MTMR1: variants seen among roughly 807,000 people sequenced by gnomAD.
MTMR1 encodes myotubularin related protein 1, also known as phosphatidylinositol-3-phosphate phosphatase MTMR1.
In MTMR1, 17 loss-of-function variants were observed where a neutral mutation model predicts 51.6. The ratio of observed to expected loss-of-function variants is 0.33; its 90% CI spans 0.23 to 0.49. The LOEUF is 0.49. MTMR1 is among the 20% of genes least tolerant of loss of function. MTMR1 has a pLI of 0.99. For missense variants in MTMR1, 386 were observed against 526.9 expected (o/e 0.73, Z 2.62); for synonymous variants, 201 against 205.6 (o/e 0.98, Z 0.19).
intron 3 of MTMR1, among the ~76,000 whole-genome samples, chrX:150,714,847 G>A (rs2041441952): frequency 8.9e-6 from 1 of 111,824 alleles, no homozygotes; most frequent in Non-Finnish European, 1.9e-5. Context: ...AGATACATAT[G>A]CTAAGGGTGC....
At chrX:150,761,740 A>C (rs964861364) in intron 15 of MTMR1, among the ~76,000 whole-genome samples, 1 of 112,034 alleles carries the variant, frequency 8.9e-6, no homozygotes, top group Non-Finnish European at 1.9e-5. Flanking sequence ...CCTTGCCCCC[A>C]GCCAAAGAGC....
chrX:150,694,745 C>T (rs951670409), intron 1 of MTMR1, among the ~76,000 whole-genome samples: 33 of 112,580 alleles, frequency 2.9e-4, no homozygotes, highest in South Asian at 3.6e-4. Flanking sequence ...CACTCATCTG[C>T]AAATATTCAA....
At chrX:150,761,451 C>A (rs1157639122) in intron 15 of MTMR1, among the ~76,000 whole-genome samples, 1 of 112,648 alleles carries the variant, frequency 8.9e-6, no homozygotes, top group Non-Finnish European at 1.9e-5. Flanking sequence ...GGTGGAACAG[C>A]TCAGTCTTTG....
At position 150,752,431 on chromosome X, in the gene MTMR1, A is replaced by G. The variant is rs1304313535; in HGVS notation, c.1680+1588A>G. ...GTGCCTCTCCCCTGCTTCCCACTGC[A>G]GTTAGAGTAAAATCCACACTCCTGC... On this transcript the variant is annotated intron_variant, in intron 14 of 15. Coordinates refer to ENST00000445323, the MANE Select transcript of MTMR1 (RefSeq NM_001306144.3). Among the ~76,000 whole-genome samples, 3 of 111,265 alleles carry G rather than the reference A, an allele frequency of 2.7e-5. No homozygotes were observed. In the Admixed American group the frequency reaches 2.9e-4, roughly 11 times the overall value.
At position 150,727,301 on chromosome X, in the gene MTMR1, G is replaced by A. The variant is rs928932956; in HGVS notation, c.439G>A (p.Val147Ile). 8.3e-7 allele frequency: 1 copy of A among 1,198,116 alleles called. No individual in the cohort carries two copies. Among genetic ancestry groups the A allele is most frequent in the East Asian group, 3.0e-5 (1 of 33,762 alleles). The change falls in exon 5 of 16, where the codon GTC becomes ATC. Residue 147 changes from valine to isoleucine, a missense_variant. Physicochemically the swap from Val to Ile is conservative, Grantham distance 29. Coordinates refer to ENST00000445323, the MANE Select transcript of MTMR1 (RefSeq NM_001306144.3). Reference protein sequence around the residue: ...VTDFKLYFKNVERDPHFILDV... With the variant: ...VTDFKLYFKNIERDPHFILDV... The stretch of plus-strand genomic sequence containing the variant: ...GGACTTTAAGCTGTACTTCAAAAAT[G>A]TCGAGAGGGTGAGTTTTTTAAAGTG...
intron 15 of MTMR1, among the ~76,000 whole-genome samples, chrX:150,759,210 C>G (rs1192328424): frequency 8.9e-6 from 1 of 112,641 alleles, no homozygotes; most frequent in Non-Finnish European, 1.9e-5. Context: ...AAGCCTACAT[C>G]CCCCTTCCAG....
At chrX:150,741,935 A>G (rs1483791200) in intron 12 of MTMR1, among the ~76,000 whole-genome samples, 1 of 112,603 alleles carries the variant, frequency 8.9e-6, no homozygotes, top group Non-Finnish European at 1.9e-5. Flanking sequence ...ACATGATCTG[A>G]CAATTCCGCT....
rs1167482457 is a variant in MTMR1 at position 150,743,218 on chromosome X, G to A, written c.1474-1143G>A. Among the ~76,000 whole-genome samples the A allele has an allele frequency of 3.1e-4, 34 of 110,384 alleles. 1 individual carries two copies. The highest frequency in any genetic ancestry group is 1.9e-5 in the Non-Finnish European group (1 of 52,825). On this transcript the variant is annotated intron_variant, in intron 12 of 15. Coordinates refer to ENST00000445323, the MANE Select transcript of MTMR1 (RefSeq NM_001306144.3). Reference sequence around the variant, plus strand: ...CAGGGGTTCAAGACCAGCCTGGGCAGTATAGTGAGACCCCATCTCTACAAA... The same window carrying A: ...CAGGGGTTCAAGACCAGCCTGGGCAATATAGTGAGACCCCATCTCTACAAA...
intron 3 of MTMR1, among the ~76,000 whole-genome samples, chrX:150,714,247 A>G (rs1557416317): frequency 8.9e-6 from 1 of 111,764 alleles, no homozygotes; most frequent in Admixed American, 9.5e-5. Flanking sequence ...CCCAACACAA[A>G]CACAGAATAG....
intron 4 of MTMR1, among the ~76,000 whole-genome samples, chrX:150,719,495 T>G (rs2041675954): frequency 1.8e-5 from 2 of 111,831 alleles, no homozygotes; most frequent in Non-Finnish European, 3.8e-5. Flanking sequence ...TTTGAAATTC[T>G]TTATTTCCTT....
chrX:150,706,013 A>G (rs2041089083), intron 2 of MTMR1, among the ~76,000 whole-genome samples: 1 of 111,692 alleles, frequency 9.0e-6, no homozygotes, highest in African/African-American at 3.3e-5. Context: ...CAGACTGGGT[A>G]ATTTATAAAG....
intron 9 of MTMR1, 121 bp from the exon 10 acceptor site, chrX:150,732,421 A>T: frequency 1.6e-6 from 1 of 622,191 alleles, no homozygotes; most frequent in South Asian, 4.0e-5. Flanking sequence ...GCCCACTCTC[A>T]CTTTTGAAGA....
At chrX:150,696,052 C>T (rs1007794020) in intron 1 of MTMR1, among the ~76,000 whole-genome samples, 3 of 111,376 alleles carry the variant, frequency 2.7e-5, no homozygotes, top group African/African-American at 9.8e-5. Context: ...CGGGGCTGAG[C>T]GGCTGATGCT....
Position 150,750,796 on chromosome X carries a change from C to CT in MTMR1, c.1638dup (p.Gly547TrpfsTer8). The CT allele has an allele frequency of 8.3e-7, 1 of 1,208,881 alleles. No homozygotes were observed. Among genetic ancestry groups the CT allele is most frequent in the Non-Finnish European group, 1.1e-6 (1 of 893,253 alleles). ...AATTTTGGATCACCTTTATAGCTGT[C>CT]TTTTTGGGACCTTTTTGTGCAACTG... On this transcript the variant is annotated frameshift_variant, in exon 14 of 16. Transcript: ENST00000445323. LOFTEE classifies it high-confidence loss of function.
intron 2 of MTMR1, among the ~76,000 whole-genome samples, chrX:150,702,231 G>A (rs1557415970): frequency 9.1e-6 from 1 of 109,570 alleles, no homozygotes; most frequent in Non-Finnish European, 1.9e-5. Context: ...CTCATCCACT[G>A]TTTTTCAAAA....
intron 3 of MTMR1, among the ~76,000 whole-genome samples, chrX:150,715,820 A>C (rs1314239658): frequency 8.9e-6 from 1 of 112,768 alleles, no homozygotes; most frequent in Admixed American, 9.3e-5. Flanking sequence ...AGATTTATCA[A>C]TTAGAGGTTT....
At chrX:150,714,599 C>A in intron 3 of MTMR1, 1 of 808,189 alleles carries the variant, frequency 1.2e-6, no homozygotes, top group Non-Finnish European at 1.7e-6. Flanking sequence ...TCATTCTAGA[C>A]TTCTAGATAA....
chrX:150,718,915 C>T (rs1170711186), intron 4 of MTMR1, among the ~76,000 whole-genome samples: 2 of 110,436 alleles, frequency 1.8e-5, no homozygotes, highest in Admixed American at 9.7e-5. Context: ...TATTTGATGG[C>T]GTTCCCAACA....
At chrX:150,693,395 T>G, upstream of MTMR1, 1 of 720,068 alleles carries the variant, frequency 1.4e-6, no homozygotes, top group Non-Finnish European at 1.6e-6. Flanking sequence ...GGCCGCCAGG[T>G]GACAGCTAAT....
Sources: allele counts gnomAD v4.1 joint callset (sites outside exome capture counted in the v4.1 genomes callset), GRCh38; gene constraint gnomAD v4.1.1; transcripts MANE v1.5; gene names NCBI Gene and HGNC (gene_info 2026-07-23, HGNC 2026-07-21).